DGLUCY: variants seen among roughly 807,000 people sequenced by gnomAD.
The protein encoded by DGLUCY is D-glutamate cyclase.
DGLUCY carries 58 observed loss-of-function variants against 58.5 expected under a neutral mutation model. The ratio of observed to expected loss-of-function variants is 0.99; its 90% CI spans 0.80 to 1.23. The LOEUF (loss-of-function observed/expected upper bound fraction) is 1.23. DGLUCY is among the 50% of genes most tolerant of loss of function. DGLUCY has a pLI of 0.00. For missense variants in DGLUCY, 779 were observed against 784.7 expected (o/e 0.99, Z 0.09); for synonymous variants, 325 against 314.1 (o/e 1.03, Z -0.37).
intron 1 of DGLUCY, among the ~76,000 whole-genome samples, chr14:91,076,324 T>C (rs1442867861): frequency 6.6e-6 from 1 of 152,208 alleles, no homozygotes; most frequent in Non-Finnish European, 1.5e-5. Flanking sequence ...AATATTTGCA[T>C]GTAACCTGTG....
intron 12 of DGLUCY, among the ~76,000 whole-genome samples, chr14:91,213,152 AAGCC>A (rs1044001758): frequency 1.9e-4 from 29 of 151,930 alleles, no homozygotes; most frequent in African/African-American, 7.0e-4. Flanking sequence ...AAAATGAAAA[AAGCC>A]AGGCACGGTG....
At chr14:91,157,267 G>GTGGATGGATGGATGAATGGGTGGA (rs1566971954) in intron 1 of DGLUCY, among the ~76,000 whole-genome samples, 3 of 141,656 alleles carry the variant, frequency 2.1e-5, no homozygotes, top group Non-Finnish European at 4.7e-5. Flanking sequence ...GAATGAATGG[G>GTGGATGGATGGATGAATGGGTGGA]TGGATGGATG....
chr14:91,218,821 G>C (rs1438187260), intron 13 of DGLUCY, among the ~76,000 whole-genome samples: 1 of 152,180 alleles, frequency 6.6e-6, no homozygotes, highest in East Asian at 1.9e-4. Context: ...GGGGGACTCA[G>C]GGTCCACTGG....
chr14:91,196,113 G>T (rs147723236), intron 9 of DGLUCY, among the ~76,000 whole-genome samples: 277 of 152,268 alleles, frequency 1.8e-3, no homozygotes, highest in African/African-American at 6.0e-3. Context: ...GGTATTATGG[G>T]CATCTTACAT....
chr14:91,182,654 G>A lies in DGLUCY; in HGVS notation c.934+1265G>A, dbSNP rs142714593. ...CCTTTAGTGCCATTGCCCTGGGGTTGGGCATGGAATAGATTAGTTGTATAC... is the reference window on the plus strand; with the variant it reads ...CCTTTAGTGCCATTGCCCTGGGGTTAGGCATGGAATAGATTAGTTGTATAC... On this transcript the variant is annotated intron_variant, in intron 8 of 13. Coordinates refer to ENST00000256324, the MANE Select transcript of DGLUCY (RefSeq NM_001102368.3). Among the ~76,000 whole-genome samples the A allele has an allele frequency of 3.3e-3, 500 of 152,264 alleles. 5 individuals are homozygous for A. Among genetic ancestry groups the A allele is most frequent in the Non-Finnish European group, 2.6e-3 (175 of 68,022 alleles).
chr14:91,137,990 C>A (rs2046438622), intron 1 of DGLUCY, among the ~76,000 whole-genome samples: 1 of 152,150 alleles, frequency 6.6e-6, no homozygotes, highest in Non-Finnish European at 1.5e-5. Flanking sequence ...CCCAAAAAGA[C>A]ACTGCGTGAT....
At chr14:91,146,826 T>C (rs917101128) in intron 1 of DGLUCY, among the ~76,000 whole-genome samples, 3 of 152,122 alleles carry the variant, frequency 2.0e-5, no homozygotes, top group Non-Finnish European at 2.9e-5. Context: ...GCTGTGTTTT[T>C]CAGAGCAAGT....
intron 1 of DGLUCY, among the ~76,000 whole-genome samples, chr14:91,137,530 C>T (rs1389120701): frequency 4.0e-5 from 6 of 151,240 alleles, no homozygotes; most frequent in Admixed American, 1.3e-4. Context: ...GGACTACAGG[C>T]GTGCGCCACC....
At chr14:91,118,491 C>G (rs2045143479) in intron 1 of DGLUCY, among the ~76,000 whole-genome samples, 1 of 152,068 alleles carries the variant, frequency 6.6e-6, no homozygotes, top group African/African-American at 2.4e-5. Flanking sequence ...AAAGCAGTTT[C>G]AAAATATGGT....
At chr14:91,220,539 G>A (rs759542590) in intron 13 of DGLUCY, 3 of 456,376 alleles carry the variant, frequency 6.6e-6, no homozygotes, top group South Asian at 4.6e-5. Context: ...AGAGCAGAAG[G>A]AGGTGAAGGC....
exon 1 of DGLUCY, chr14:91,060,608 C>T (rs1255732958): frequency 2.2e-6 from 2 of 889,426 alleles, no homozygotes; most frequent in African/African-American, 1.7e-5. Flanking sequence ...CGCTCCTCGC[C>T]TCCTCCCCCT....
chr14:91,159,200 A>G (rs1203648595), intron 2 of DGLUCY, among the ~76,000 whole-genome samples: 1 of 151,434 alleles, frequency 6.6e-6, no homozygotes, highest in Non-Finnish European at 1.5e-5. Context: ...TAATCCCAGC[A>G]CTTTGAGAAG....
At chr14:91,134,598 C>T (rs898507967) in intron 1 of DGLUCY, among the ~76,000 whole-genome samples, 2 of 151,998 alleles carry the variant, frequency 1.3e-5, no homozygotes, top group African/African-American at 2.4e-5. Context: ...CCATCACGTT[C>T]GGCTAATTTT....
At chr14:91,104,903 T>C (rs2044563078), upstream of DGLUCY, among the ~76,000 whole-genome samples, 1 of 152,226 alleles carries the variant, frequency 6.6e-6, no homozygotes, top group South Asian at 2.1e-4. Context: ...AATGGGGGTA[T>C]AACAGCACTT....
intron 13 of DGLUCY, among the ~76,000 whole-genome samples, chr14:91,222,615 C>T (rs569986517): frequency 1.3e-5 from 2 of 152,198 alleles, no homozygotes; most frequent in African/African-American, 4.8e-5. Flanking sequence ...AATGCAGGCT[C>T]TCAGGCCAGC....
At chr14:91,188,858 C>A (rs2049690621) in intron 8 of DGLUCY, 52 bp from the exon 9 acceptor site, 1 of 1,531,572 alleles carries the variant, frequency 6.5e-7, no homozygotes, top group Non-Finnish European at 8.8e-7. Flanking sequence ...TACATACATA[C>A]AAATAATTTT....
chr14:91,085,309 T>C lies in DGLUCY; in HGVS notation c.-82+24605T>C, dbSNP rs193226379. Among the ~76,000 whole-genome samples, 546 of 151,732 alleles carry C rather than the reference T, an allele frequency of 3.6e-3. 4 individuals carry two copies. The highest frequency in any genetic ancestry group is 0.012 in the African/African-American group (493 of 41,408). On this transcript the variant is annotated intron_variant, in intron 1 of 4. Coordinates refer to the DGLUCY transcript ENST00000521334. Reference sequence around the variant, plus strand: ...CCTCATCCCTTAGTGCCTTTGCCCATGTGGGTCCTCAGTCCTGACCTCTGC... The same window carrying C: ...CCTCATCCCTTAGTGCCTTTGCCCACGTGGGTCCTCAGTCCTGACCTCTGC...
At chr14:91,200,880 T>C (rs1457316514) in intron 11 of DGLUCY, among the ~76,000 whole-genome samples, 1 of 151,804 alleles carries the variant, frequency 6.6e-6, no homozygotes, top group East Asian at 1.9e-4. Flanking sequence ...TTAGTTCTTA[T>C]AGGTTTGGGA....
chr14:91,209,129 C>T (rs1014596639), intron 12 of DGLUCY, among the ~76,000 whole-genome samples: 1 of 151,666 alleles, frequency 6.6e-6, no homozygotes, highest in Non-Finnish European at 1.5e-5. Context: ...GCCTTGCCAA[C>T]ATGGTGAACT....
Sources: allele counts gnomAD v4.1 joint callset (sites outside exome capture counted in the v4.1 genomes callset), GRCh38; gene constraint gnomAD v4.1.1; transcripts MANE v1.5; gene names NCBI Gene and HGNC (gene_info 2026-07-23, HGNC 2026-07-21).